Variants in ITGB4 observed in about 807,000 individuals in gnomAD.
ITGB4 encodes integrin beta-4.
ITGB4 carries 159 observed loss-of-function variants against 207.6 expected under a neutral mutation model. The observed-to-expected ratio is 0.77, with a 90% CI of 0.67 to 0.87. The LOEUF (loss-of-function observed/expected upper bound fraction) is 0.87, where lower values mean the gene tolerates loss of function less well. Among genes scored for constraint, ITGB4 ranks in the 40% least tolerant of loss-of-function variants. The pLI, the probability that ITGB4 is intolerant of heterozygous loss-of-function variation, is 0.00. For synonymous variants in ITGB4, 1,020 were observed against 1,062.7 expected, an observed-to-expected ratio of 0.96 and a Z score of 0.78; for missense variants, 2,278 against 2,546.8, an observed-to-expected ratio of 0.89 and a Z score of 2.27.
In ITGB4 at chr17:75,743,777, C is replaced by T; in HGVS notation, c.3027C>T (p.Arg1009=). Residue 1009 remains arginine (R), a synonymous_variant, in exon 26 of 40, where the codon CGC becomes CGT. Transcript: ENST00000200181. ...FSVSRGDQVA[R]IPVIRRVLDG... ...TCAGCCGCGGGGACCAGGTGGCCCG[C>T]ATCCCTGTCATCCGGCGTGTCCTGG... 2 of 1,613,460 alleles carry T rather than the reference C, an allele frequency of 1.2e-6. No homozygotes were observed. Among genetic ancestry groups the T allele is most frequent in the Non-Finnish European group, 1.7e-6 (2 of 1,179,970 alleles).
chr17:75,732,385 A>T lies in ITGB4; in HGVS notation c.1454+146A>T. The T allele has an allele frequency of 1.3e-6, 1 of 767,516 alleles. No individual in the cohort carries two copies. 47.5% of individuals were successfully genotyped at this position (767,516 alleles called of 1,614,324 possible). A position where few individuals can be genotyped will look rare whatever the true frequency, so the allele number is the denominator to read the frequency against. ...TCAAAGAAACGGCTAAGGGCGGGGC[A>T]CACCCAGTTGTTGGTCAAACCCAGG... On this transcript the variant is annotated intron_variant, in intron 12 of 39. Transcript: ENST00000200181. The surrounding 1 kb of genome is among the most constrained non-coding windows in gnomAD (Gnocchi z 5.3).
Position 75,729,240 on chromosome 17 carries a change from C to A in ITGB4, c.567-25C>A. 1 of 1,578,476 alleles carries A rather than the reference C, an allele frequency of 6.3e-7. No individual in the cohort carries two copies. Reference sequence around the variant, plus strand: ...TGCGGCGTCTTCCCCCTGTGACACTCTCTCTCCCTCCCACCTCTGCCCAGG... The same window carrying A: ...TGCGGCGTCTTCCCCCTGTGACACTATCTCTCCCTCCCACCTCTGCCCAGG... On this transcript the variant is annotated intron_variant, in intron 6 of 39. Transcript: ENST00000200181. This position sits in a 1 kb window ranked among gnomAD's most constrained non-coding sequence, Gnocchi z 4.4.
chr17:75,732,052 T>C lies in ITGB4; in HGVS notation c.1377+79T>C. 1 of 1,609,118 alleles carries C rather than the reference T, an allele frequency of 6.2e-7. No individual in the cohort carries two copies. Among genetic ancestry groups the C allele is most frequent in the Non-Finnish European group, 8.5e-7 (1 of 1,176,008 alleles). On this transcript the variant is annotated intron_variant, in intron 11 of 39. Coordinates refer to ENST00000200181, the MANE Select transcript of ITGB4 (RefSeq NM_000213.5). This position sits in a 1 kb window ranked among gnomAD's most constrained non-coding sequence, Gnocchi z 5.3. ...ACCCTGAGGAATGAAGCAGGACTCC[T>C]GTGCCCCATATCCCTTGTGGGGTTT... is the stretch of plus-strand genomic sequence containing the variant.
Position 75,729,193 on chromosome 17 carries a change from A to G in ITGB4, c.567-72A>G. On this transcript the variant is annotated intron_variant, in intron 6 of 39. Transcript: ENST00000200181. The surrounding 1 kb of genome is among the most constrained non-coding windows in gnomAD (Gnocchi z 4.4). Reference sequence around the variant, plus strand: ...AAAAAAAATTCTCCTTCTAGTTGAAACGAGCCAGGGGCACTGGGGTCTGCG... The same window carrying G: ...AAAAAAAATTCTCCTTCTAGTTGAAGCGAGCCAGGGGCACTGGGGTCTGCG... 6.9e-7 allele frequency: 1 copy of G among 1,457,076 alleles called. No individual in the cohort carries two copies. The highest frequency in any genetic ancestry group is 9.4e-7 in the Non-Finnish European group (1 of 1,065,286). 90.3% of individuals were successfully genotyped at this position (1,457,076 alleles called of 1,614,324 possible).
At position 75,752,580 on chromosome 17, in the gene ITGB4, G is replaced by A; in HGVS notation, c.4108+3G>A. 1 of 1,613,502 alleles carries A rather than the reference G, an allele frequency of 6.2e-7. No individual in the cohort carries two copies. The highest frequency in any genetic ancestry group is 1.3e-5 in the African/African-American group (1 of 75,074). On this transcript the variant is annotated splice_donor_region_variant and intron_variant, in intron 32 of 39. Coordinates refer to ENST00000200181, the MANE Select transcript of ITGB4 (RefSeq NM_000213.5). ...GCCCAGCGTCTCCGATGACACTGGT[G>A]AGTGGAGACCTGGGACCCACAAGAG...
At position 75,757,657 on chromosome 17, in the gene ITGB4, C is replaced by G. The variant is rs772616419; in HGVS notation, c.*102C>G. The G allele has an allele frequency of 3.3e-6, 5 of 1,506,050 alleles. No individual in the cohort carries two copies. In the African/African-American group the frequency reaches 5.5e-5, roughly 17 times the overall value. 93.3% of individuals were successfully genotyped at this position (1,506,050 alleles called of 1,614,324 possible). ...CATCCTTGCACCCCTGGGGGCCCAG[C>G]CCACCCGCATGCACAGAGCAGGGGC... is the stretch of plus-strand genomic sequence containing the variant. On this transcript the variant is annotated 3_prime_UTR_variant, in exon 40 of 40. Coordinates refer to ENST00000200181, the MANE Select transcript of ITGB4 (RefSeq NM_000213.5).
At position 75,722,866 on chromosome 17, in the gene ITGB4, G is replaced by C. The variant is rs909746966; in HGVS notation, c.-11+1254G>C. Among the ~76,000 whole-genome samples, 1 of 151,924 alleles carries C rather than the reference G, an allele frequency of 6.6e-6. No individual in the cohort carries two copies. Among genetic ancestry groups the C allele is most frequent in the Non-Finnish European group, 1.5e-5 (1 of 67,954 alleles). On this transcript the variant is annotated intron_variant, in intron 1 of 39. Coordinates refer to ENST00000200181, the MANE Select transcript of ITGB4 (RefSeq NM_000213.5). The surrounding 1 kb of genome is among the most constrained non-coding windows in gnomAD (Gnocchi z 6.2). ...TGGCAGTCACACACTCCAGGGACCT[G>C]CTGGTACATAAAGTCGGGGCAGCCT...
rs377492372 is a variant in ITGB4 at position 75,736,048 on chromosome 17, C to A, written c.1658-3C>A. 1.2e-6 allele frequency: 2 copies of A among 1,613,654 alleles called. No individual in the cohort carries two copies. The highest frequency in any genetic ancestry group is 2.2e-5 in the East Asian group (1 of 44,888). On this transcript the variant is annotated splice_region_variant and splice_polypyrimidine_tract_variant and intron_variant, in intron 13 of 39. Coordinates refer to ENST00000200181, the MANE Select transcript of ITGB4 (RefSeq NM_000213.5). ...CATCTCCCTTCCTTGTCCCTCTCTG[C>A]AGACCGAGGACGCTGCTCCATGGGC...
chr17:75,749,139 A>T, intron 27 of ITGB4, 94 bp downstream of exon 27: 1 of 959,458 alleles, frequency 1.0e-6, no homozygotes, highest in Non-Finnish European at 1.6e-6. Context: ...ATCCAAACAC[A>T]GGACGCCCAG....
At position 75,754,795 on chromosome 17, in the gene ITGB4, T is replaced by C; in HGVS notation, c.4538T>C (p.Leu1513Pro). ...ACACTGCCCAGGGACTACTCCACCCTCACCTCCGTCTCCTCCCACGGTGAG... is the reference window on the plus strand; with the variant it reads ...ACACTGCCCAGGGACTACTCCACCCCCACCTCCGTCTCCTCCCACGGTGAG... ...STTLPRDYSTLTSVSSHDSRL... is the reference protein window; with the variant it reads ...STTLPRDYSTPTSVSSHDSRL... The change falls in exon 34 of 40, where the codon CTC becomes CCC. Residue 1513 changes from leucine to proline, a missense_variant. By Grantham distance (98) the Leu-to-Pro change is moderately conservative (BLOSUM62 -3). Coordinates refer to ENST00000200181, the MANE Select transcript of ITGB4 (RefSeq NM_000213.5). The C allele has an allele frequency of 6.2e-7, 1 of 1,614,026 alleles. No individual in the cohort carries two copies. Among genetic ancestry groups the C allele is most frequent in the South Asian group, 1.1e-5 (1 of 91,082 alleles).
Position 75,754,708 on chromosome 17 carries a change from C to T in ITGB4, c.4451C>T (p.Thr1484Ile). ...CACGTGCCCCACCGCGTGCTAAGCACATCCTCCACCCTCACACGGGACTAC... is the reference window on the plus strand; with the variant it reads ...CACGTGCCCCACCGCGTGCTAAGCATATCCTCCACCCTCACACGGGACTAC... ...SPHVPHRVLS[T>I]SSTLTRDYNS... is the part of the protein sequence containing the mutation. Residue 1484 changes from threonine to isoleucine, a missense_variant, in exon 34 of 40, where the codon ACA becomes ATA. By Grantham distance (89) the Thr-to-Ile change is moderately conservative. Coordinates refer to ENST00000200181, the MANE Select transcript of ITGB4 (RefSeq NM_000213.5). 1 of 1,614,162 alleles carries T rather than the reference C, an allele frequency of 6.2e-7. No homozygotes were observed. Among genetic ancestry groups the T allele is most frequent in the Non-Finnish European group, 8.5e-7 (1 of 1,180,006 alleles).
chr17:75,737,539 C>A lies in ITGB4; in HGVS notation c.2115C>A (p.Asp705Glu), dbSNP rs62639300. The change falls in exon 18 of 40, where the codon GAC (aspartate) becomes GAA (glutamate). Residue 705 changes from aspartate (D) to glutamate (E), a missense_variant and splice_region_variant. Transcript: ENST00000200181. ...NSTVLVHKKK[D>E]CPPGSFWWLI... The stretch of plus-strand genomic sequence containing the variant: ...CTCCCCCTGCCTCCTCCTCTCCAGA[C>A]TGCCCTCCGGGCTCCTTCTGGTGGC... The A allele has an allele frequency of 6.1e-4, 960 of 1,572,890 alleles. 10 individuals carry two copies. In the African/African-American group the frequency reaches 0.012, roughly 19 times the overall value.
In ITGB4 at chr17:75,750,672, G is replaced by C; in HGVS notation, c.3475-8G>C. ...CCTGCTGACCAGGACCCCTGTCCCT[G>C]GGGGTAGGTAAAGTACTGGATTCAG... On this transcript the variant is annotated splice_polypyrimidine_tract_variant and splice_region_variant and intron_variant, in intron 28 of 39. Coordinates refer to ENST00000200181, the MANE Select transcript of ITGB4 (RefSeq NM_000213.5). The surrounding 1 kb of genome is among the most constrained non-coding windows in gnomAD (Gnocchi z 5.5). The C allele has an allele frequency of 6.2e-7, 1 of 1,612,626 alleles. No homozygotes were observed. The highest frequency in any genetic ancestry group is 1.1e-5 in the South Asian group (1 of 91,044).
chr17:75,756,728 C>T lies in ITGB4; in HGVS notation c.4922C>T (p.Pro1641Leu), dbSNP rs2061515288. 6.2e-7 allele frequency: 1 copy of T among 1,613,294 alleles called. No individual in the cohort carries two copies. Among genetic ancestry groups the T allele is most frequent in the Non-Finnish European group, 8.5e-7 (1 of 1,180,022 alleles). The change falls in exon 37 of 40, where the codon CCC (proline) becomes CTC (leucine). Residue 1641 changes from proline to leucine, a missense_variant. By Grantham distance (98) the Pro-to-Leu change is moderately conservative. Transcript: ENST00000200181. Reference sequence around the variant, plus strand: ...GGCTCCGCCTTCACTTTGAGCACTCCCAGTGCCCCAGGCCCGCTGGTGTTC... The same window carrying T: ...GGCTCCGCCTTCACTTTGAGCACTCTCAGTGCCCCAGGCCCGCTGGTGTTC... ...LPGSAFTLSTPSAPGPLVFTA... is the reference protein window; with the variant it reads ...LPGSAFTLSTLSAPGPLVFTA...
At position 75,742,800 on chromosome 17, in the gene ITGB4, G is replaced by T; in HGVS notation, c.2962+39G>T. Reference sequence around the variant, plus strand: ...GGGAGAGTGGGGAAGGCAGACGGGGGCTCGGGGGCACTGGTTCCTCCTGCT... The same window carrying T: ...GGGAGAGTGGGGAAGGCAGACGGGGTCTCGGGGGCACTGGTTCCTCCTGCT... On this transcript the variant is annotated intron_variant, in intron 25 of 39. Coordinates refer to ENST00000200181, the MANE Select transcript of ITGB4 (RefSeq NM_000213.5). The surrounding 1 kb of genome is among the most constrained non-coding windows in gnomAD (Gnocchi z 5.9). 1 of 1,574,122 alleles carries T rather than the reference G, an allele frequency of 6.4e-7. No individual in the cohort carries two copies. Among genetic ancestry groups the T allele is most frequent in the Non-Finnish European group, 8.6e-7 (1 of 1,162,146 alleles).
chr17:75,752,711 T>C, intron 32 of ITGB4, 134 bp downstream of exon 32: 1 of 1,129,230 alleles, frequency 8.9e-7, no homozygotes, highest in Non-Finnish European at 1.3e-6. Flanking sequence ...ACAAATGCAA[T>C]GGAGTGCACA....
At chr17:75,724,073 T>C (rs550262662) in intron 1 of ITGB4, among the ~76,000 whole-genome samples, 19 of 152,278 alleles carry the variant, frequency 1.2e-4, no homozygotes, top group African/African-American at 4.1e-4. Context: ...AACTTAACTC[T>C]GGGGCAGGCA....
intron 26 of ITGB4, among the ~76,000 whole-genome samples, chr17:75,747,228 C>T (rs766202784): frequency 6.6e-6 from 1 of 152,160 alleles, no homozygotes; most frequent in Non-Finnish European, 1.5e-5. Context: ...CCTGTAATCC[C>T]AGCACTTTGG....
chr17:75,754,620 A>G lies in ITGB4; in HGVS notation c.4363A>G (p.Thr1455Ala), dbSNP rs1219985007. ...GATGGACTTTGCCTTCCCGGGCAGCACCAACTCCCTGCACAGGATGACCAC... is the reference window on the plus strand; with the variant it reads ...GATGGACTTTGCCTTCCCGGGCAGCGCCAACTCCCTGCACAGGATGACCAC... The part of the protein sequence containing the change: ...GRMDFAFPGS[T>A]NSLHRMTTTS... The change falls in exon 34 of 40, where the codon ACC (threonine) becomes GCC (alanine). Residue 1455 changes from threonine to alanine, a missense_variant. By Grantham distance (58) the Thr-to-Ala change is moderately conservative (BLOSUM62 0). Transcript: ENST00000200181. The G allele has an allele frequency of 1.2e-6, 2 of 1,613,940 alleles. No homozygotes were observed. The highest frequency in any genetic ancestry group is 1.7e-6 in the Non-Finnish European group (2 of 1,179,984).
Sources: allele counts gnomAD v4.1 joint callset (sites outside exome capture counted in the v4.1 genomes callset), GRCh38; gene constraint gnomAD v4.1.1; non-coding constraint Gnocchi (gnomAD v3.1); transcripts MANE v1.5; gene names NCBI Gene and HGNC (gene_info 2026-07-23, HGNC 2026-07-21).